Variants in HEATR5B observed in about 807,000 individuals in gnomAD.
The protein encoded by HEATR5B is HEAT repeat-containing protein 5B.
HEATR5B carries 156 observed loss-of-function variants against 224.1 expected under a neutral mutation model. The observed-to-expected ratio is 0.70, with a 90% CI of 0.61 to 0.80. The LOEUF is 0.80. Among genes scored for constraint, HEATR5B ranks in the 30% least tolerant of loss-of-function variants. HEATR5B has a pLI of 0.00. For missense variants in HEATR5B, 2,323 were observed against 2,535.5 expected (o/e 0.92, Z 1.80); for synonymous variants, 1,027 against 893.0 (o/e 1.15, Z -2.68).
In HEATR5B at chr2:37,040,472, G is replaced by A. The variant is rs748432766; in HGVS notation, c.2903C>T (p.Pro968Leu). The A allele has an allele frequency of 1.5e-5, 25 of 1,613,110 alleles. No individual in the cohort carries two copies. Among genetic ancestry groups the A allele is most frequent in the Admixed American group, 5.0e-5 (3 of 59,812 alleles). ...SLALIVDSSG[P>L]MYRGYVEPTL... is the part of the protein sequence containing the mutation. The stretch of plus-strand genomic sequence containing the variant: ...TGGTTCCACATAGCCACGATACATC[G>A]GACCACTAGAATCCACTATCAAAGC... Residue 968 changes from proline to leucine, a missense_variant, in exon 20 of 36, where the codon CCG (proline) becomes CTG (leucine). Pro to Leu is a moderately conservative substitution (Grantham distance 98, BLOSUM62 -3). Transcript: ENST00000233099.
In HEATR5B at chr2:37,041,223, A is replaced by G. The variant is rs368689680; in HGVS notation, c.2766T>C (p.Tyr922=). Residue 922 remains tyrosine (Y), a synonymous_variant, in exon 19 of 36, where the codon TAT becomes TAC. Coordinates refer to ENST00000233099, the MANE Select transcript of HEATR5B (RefSeq NM_019024.3). ...HSLALGCLHR[Y]VGGIGSGQHL... is the part of the protein sequence containing the mutation. ...GTTGTCCTGAGCCTATTCCACCAAC[A>G]TAACGATGCAAACAACCAAGAGCCA... 9.3e-6 allele frequency: 15 copies of G among 1,614,032 alleles called. No individual in the cohort carries two copies. Among genetic ancestry groups the G allele is most frequent in the South Asian group, 5.5e-5 (5 of 91,084 alleles).
chr2:37,067,046 T>A (rs1246730983), intron 8 of HEATR5B, among the ~76,000 whole-genome samples: 1 of 152,018 alleles, frequency 6.6e-6, no homozygotes, highest in Non-Finnish European at 1.5e-5. Context: ...ATTTTTGTAT[T>A]TTTTAATAGA....
At chr2:36,986,535 A>G (rs1665956183) in intron 35 of HEATR5B, among the ~76,000 whole-genome samples, 1 of 152,216 alleles carries the variant, frequency 6.6e-6, no homozygotes, top group Non-Finnish European at 1.5e-5. Context: ...TGTTTTTAAG[A>G]GAAGAGGAAA....
Position 36,982,303 on chromosome 2 carries a change from A to C in HEATR5B, c.5912-509T>G, listed in dbSNP as rs567564608. 2.4e-4 allele frequency among the ~76,000 whole-genome samples: 36 copies of C among 152,318 alleles called. No individual in the cohort carries two copies. The South Asian group carries it at 5.4e-3, about 23-fold the overall frequency. ...GGGGAAATTCCTCAAAACTAAGGGA[A>C]TACATAAGCTTAGGGTTAAAAAAAC... is the stretch of plus-strand genomic sequence containing the variant. On this transcript the variant is annotated intron_variant, in intron 35 of 35. Transcript: ENST00000233099.
At chr2:37,056,271 C>T (rs936719355) in intron 16 of HEATR5B, among the ~76,000 whole-genome samples, 169 bp downstream of exon 16, 1 of 151,930 alleles carries the variant, frequency 6.6e-6, no homozygotes, top group Non-Finnish European at 1.5e-5. Flanking sequence ...AATTTGCATG[C>T]AATTTTTTTA....
Position 36,998,117 on chromosome 2 carries a change from C to G in HEATR5B, c.5545+2469G>C, listed in dbSNP as rs190559483. 1.2e-4 allele frequency among the ~76,000 whole-genome samples: 19 copies of G among 152,302 alleles called. No individual in the cohort carries two copies. The East Asian group carries it at 3.5e-3, about 28-fold the overall frequency. On this transcript the variant is annotated intron_variant, in intron 33 of 35. Transcript: ENST00000233099. Reference sequence around the variant, plus strand: ...TGTTCCACTGATTCTTGGGCCTACTCCACAGTTTTAGATAACGTGGAAATG... The same window carrying G: ...TGTTCCACTGATTCTTGGGCCTACTGCACAGTTTTAGATAACGTGGAAATG...
chr2:37,053,630 T>C (rs965631070), intron 16 of HEATR5B, 23 bp from the exon 17 acceptor site: 12 of 1,434,118 alleles, frequency 8.4e-6, no homozygotes, highest in Non-Finnish European at 1.2e-5. Context: ...GAAAAAAAAA[T>C]CACATTAGTG....
chr2:37,062,912 T>C (rs1340109808), intron 10 of HEATR5B, among the ~76,000 whole-genome samples: 1 of 152,200 alleles, frequency 6.6e-6, no homozygotes, highest in East Asian at 1.9e-4. Context: ...CTCAGCCTCC[T>C]GAGTAGGTAG....
chr2:37,000,496 C>T, intron 33 of HEATR5B, 90 bp downstream of exon 33: 1 of 926,688 alleles, frequency 1.1e-6, no homozygotes, highest in Non-Finnish European at 1.7e-6. Context: ...CATTGTTATA[C>T]AGCAGTTTTC....
chr2:37,044,778 T>C (rs1294254759), intron 18 of HEATR5B, among the ~76,000 whole-genome samples: 4 of 152,234 alleles, frequency 2.6e-5, no homozygotes, highest in Admixed American at 6.5e-5. Context: ...ATTATATGCA[T>C]GTTACACAGC....
chr2:36,985,946 T>C (rs928430491), intron 35 of HEATR5B, among the ~76,000 whole-genome samples: 1 of 152,082 alleles, frequency 6.6e-6, no homozygotes, highest in African/African-American at 2.4e-5. Context: ...GATATATATA[T>C]TCTTACTGTC....
At chr2:37,075,095 T>C (rs1335129446) in intron 5 of HEATR5B, among the ~76,000 whole-genome samples, 3 of 152,204 alleles carry the variant, frequency 2.0e-5, no homozygotes, top group African/African-American at 7.2e-5. Context: ...AGCATATGTT[T>C]GTGCAAAAAC....
intron 35 of HEATR5B, among the ~76,000 whole-genome samples, chr2:36,984,239 A>G (rs1434832239): frequency 3.0e-5 from 4 of 131,230 alleles, no homozygotes; most frequent in South Asian, 2.6e-4. Flanking sequence ...TATATATATA[A>G]AACTGGAAAA....
intron 7 of HEATR5B, among the ~76,000 whole-genome samples, chr2:37,069,608 T>G (rs1175527605): frequency 6.6e-6 from 1 of 152,206 alleles, no homozygotes; most frequent in Non-Finnish European, 1.5e-5. Flanking sequence ...TCAAGCTACC[T>G]GAATACAGTT....
intron 15 of HEATR5B, among the ~76,000 whole-genome samples, chr2:37,056,961 A>G (rs1295596246): frequency 6.6e-6 from 1 of 152,206 alleles, no homozygotes; most frequent in African/African-American, 2.4e-5. Flanking sequence ...TTCAGTGGGC[A>G]AAAGTTCTAA....
intron 12 of HEATR5B, among the ~76,000 whole-genome samples, chr2:37,060,047 A>C (rs969372500): frequency 1.1e-4 from 17 of 152,202 alleles, no homozygotes; most frequent in Admixed American, 4.6e-4. Context: ...ATCAAACGAA[A>C]CAAAACCTGA....
In HEATR5B at chr2:37,064,736, A is replaced by T. The variant is rs373089452; in HGVS notation, c.1584+4T>A. ...CATTCCCAAGTCTAGGATCTCCGTCATACCTTTCCTTTGGCATGAGGAATG... is the reference window on the plus strand; with the variant it reads ...CATTCCCAAGTCTAGGATCTCCGTCTTACCTTTCCTTTGGCATGAGGAATG... On this transcript the variant is annotated splice_donor_region_variant and intron_variant, in intron 10 of 35. Transcript: ENST00000233099. 2.8e-5 allele frequency: 45 copies of T among 1,613,758 alleles called. No homozygotes were observed. The highest frequency in any genetic ancestry group is 4.0e-5 in the African/African-American group (3 of 74,906).
intron 2 of HEATR5B, among the ~76,000 whole-genome samples, chr2:37,081,468 A>G (rs962089264): frequency 2.0e-5 from 3 of 152,244 alleles, no homozygotes; most frequent in Non-Finnish European, 2.9e-5. Context: ...GAATCAACAC[A>G]GTATTTGGAA....
intron 35 of HEATR5B, among the ~76,000 whole-genome samples, chr2:36,984,307 A>G (rs2148314528): frequency 6.7e-6 from 1 of 149,680 alleles, no homozygotes; most frequent in East Asian, 2.0e-4. Flanking sequence ...CATTATAGGA[A>G]ATGTTACATA....
Sources: gnomAD v4.1 joint callset for allele counts (sites outside exome capture counted in the v4.1 genomes callset) on GRCh38, gnomAD v4.1.1 for gene constraint, MANE v1.5 for transcripts, NCBI Gene and HGNC (gene_info 2026-07-23, HGNC 2026-07-21) for gene names.